Variants in UGT1A10 observed in about 807,000 individuals in gnomAD.
The protein encoded by UGT1A10 is UDP glucuronosyltransferase family 1 member A10.
Under a neutral mutation model 45.8 loss-of-function variants are expected in UGT1A10, and 49 were observed. The ratio of observed to expected loss-of-function variants is 1.07; its 90% CI spans 0.85 to 1.36. UGT1A10 has a LOEUF of 1.36. UGT1A10 is among the 40% of genes most tolerant of loss of function. UGT1A10 has a pLI of 0.00. For missense variants in UGT1A10, 745 were observed against 668.6 expected, an observed-to-expected ratio of 1.11 and a Z score of -1.26; for synonymous variants, 284 against 249.7, an observed-to-expected ratio of 1.14 and a Z score of -1.29.
At chr2:233,744,008 G>C in intron 1 of UGT1A10, 6 of 1,163,404 alleles carry the variant, frequency 5.2e-6, no homozygotes, top group Non-Finnish European at 6.7e-6. Context: ...CGGAGACCTG[G>C]GCCGCCTGGA....
intron 1 of UGT1A10, among the ~76,000 whole-genome samples, chr2:233,749,703 T>C (rs1694254740): frequency 1.3e-5 from 2 of 151,790 alleles, no homozygotes; most frequent in Non-Finnish European, 2.9e-5. Flanking sequence ...TGGGAGGTGA[T>C]TGGATCATGG....
In UGT1A10 at chr2:233,743,994, T is replaced by A. The variant is rs60469444; in HGVS notation, c.856-23040T>A. ...GCCAGCACCCAGGCGCAGGCCCGAGTGCTCGGAGACCTGGGCCGCCTGGAG... is the reference window on the plus strand; with the variant it reads ...GCCAGCACCCAGGCGCAGGCCCGAGAGCTCGGAGACCTGGGCCGCCTGGAG... On this transcript the variant is annotated intron_variant, in intron 1 of 4. Transcript: ENST00000344644. The A allele has an allele frequency of 4.3e-3, 5,381 of 1,253,154 alleles. 300 individuals are homozygous for A. The African/African-American group carries it at 0.076, about 18-fold the overall frequency. 77.6% of individuals were successfully genotyped at this position (1,253,154 alleles called of 1,614,324 possible). A position where few individuals can be genotyped will look rare whatever the true frequency, so the allele number is the denominator to read the frequency against.
At chr2:233,653,743 C>G (rs1365048268) in intron 1 of UGT1A10, among the ~76,000 whole-genome samples, 1 of 152,148 alleles carries the variant, frequency 6.6e-6, no homozygotes, top group African/African-American at 2.4e-5. Flanking sequence ...ATTACAGATG[C>G]CCACCACCAC....
At chr2:233,703,078 G>C (rs937204099) in intron 1 of UGT1A10, among the ~76,000 whole-genome samples, 2 of 152,100 alleles carry the variant, frequency 1.3e-5, no homozygotes, top group African/African-American at 4.8e-5. Flanking sequence ...TCTGGGCCTA[G>C]GCTTTTCTTG....
chr2:233,730,948 C>T (rs2078091104), intron 1 of UGT1A10, among the ~76,000 whole-genome samples: 2 of 152,126 alleles, frequency 1.3e-5, no homozygotes, highest in African/African-American at 4.8e-5. Flanking sequence ...ATTTGGGTTT[C>T]GTTGAAATGG....
At chr2:233,653,368 G>A (rs1218575877) in intron 1 of UGT1A10, among the ~76,000 whole-genome samples, 1 of 152,150 alleles carries the variant, frequency 6.6e-6, no homozygotes, top group East Asian at 1.9e-4. Context: ...TCATATAGGT[G>A]TATCAATTGT....
intron 1 of UGT1A10, chr2:233,743,003 T>C (rs1559386473): frequency 4.2e-6 from 1 of 238,432 alleles, no homozygotes; most frequent in Non-Finnish European, 8.3e-6. Context: ...TGCATACAGA[T>C]ATTTTACAAC....
At chr2:233,741,745 T>C (rs1691762813) in intron 1 of UGT1A10, 2 of 151,906 alleles carry the variant, frequency 1.3e-5, no homozygotes, top group African/African-American at 4.9e-5. Context: ...TCACACTCTT[T>C]GTTGGTTAAT....
Position 233,754,880 on chromosome 2 carries a change from C to T in UGT1A10, c.856-12154C>T, listed in dbSNP as rs764187223. Reference sequence around the variant, plus strand: ...GTGCAGACCCTCTGCTTCTGCTTCCCAGGGAGTTCCTCTGACCCCCCAAAA... The same window carrying T: ...GTGCAGACCCTCTGCTTCTGCTTCCTAGGGAGTTCCTCTGACCCCCCAAAA... On this transcript the variant is annotated intron_variant, in intron 1 of 4. Transcript: ENST00000344644. 3.0e-6 allele frequency: 4 copies of T among 1,352,340 alleles called. No homozygotes were observed. The South Asian group carries it at 4.6e-5, about 15-fold the overall frequency. The allele number at this position is 1,352,340 out of a possible 1,614,324, so 83.8% of individuals were successfully genotyped here.
intron 1 of UGT1A10, chr2:233,719,806 T>C: frequency 1.9e-6 from 3 of 1,595,234 alleles, no homozygotes; most frequent in Non-Finnish European, 2.6e-6. Context: ...TTTGGCTTCT[T>C]TATAACAGAT....
intron 1 of UGT1A10, among the ~76,000 whole-genome samples, chr2:233,669,204 G>A (rs1352081315): frequency 6.6e-6 from 1 of 152,002 alleles, no homozygotes; most frequent in African/African-American, 2.4e-5. Flanking sequence ...TGAAATATTT[G>A]ATTACTATAG....
chr2:233,650,075 A>C (rs1369860986), intron 1 of UGT1A10, among the ~76,000 whole-genome samples: 1 of 152,124 alleles, frequency 6.6e-6, no homozygotes, highest in Non-Finnish European at 1.5e-5. Flanking sequence ...GGTTCAAGCG[A>C]TTCACCTGCC....
At chr2:233,738,852 A>G (rs1448497943) in intron 1 of UGT1A10, 2 of 152,248 alleles carry the variant, frequency 1.3e-5, no homozygotes, top group Admixed American at 1.3e-4. Flanking sequence ...AATCACCAAG[A>G]CAATGGGGAA....
At chr2:233,724,685 G>T (rs1329497832) in intron 1 of UGT1A10, among the ~76,000 whole-genome samples, 6 of 144,884 alleles carry the variant, frequency 4.1e-5, no homozygotes, top group African/African-American at 1.6e-4. Context: ...TGGGATGGCG[G>T]CCGGGTGAAG....
At chr2:233,720,819 C>T (rs2076894500) in intron 1 of UGT1A10, among the ~76,000 whole-genome samples, 2 of 151,784 alleles carry the variant, frequency 1.3e-5, no homozygotes, top group African/African-American at 4.8e-5. Flanking sequence ...AATTCTCCCA[C>T]CTCAGTCTCC....
intron 1 of UGT1A10, among the ~76,000 whole-genome samples, chr2:233,734,862 C>T (rs1280168224): frequency 6.6e-6 from 1 of 152,224 alleles, no homozygotes; most frequent in Admixed American, 6.5e-5. Flanking sequence ...AATTTGACTG[C>T]ACTATGGTCT....
intron 1 of UGT1A10, chr2:233,647,934 G>A: frequency 5.0e-6 from 8 of 1,604,694 alleles, no homozygotes; most frequent in Non-Finnish European, 6.8e-6. Flanking sequence ...CACTGCCCAT[G>A]GATGGGAGCC....
chr2:233,694,895 A>G (rs2075247142), intron 1 of UGT1A10, among the ~76,000 whole-genome samples: 1 of 152,246 alleles, frequency 6.6e-6, no homozygotes, highest in Non-Finnish European at 1.5e-5. Flanking sequence ...TTCATGTGAT[A>G]TTTTGATACA....
rs763801356 is a variant in UGT1A10, at chr2:233,636,657, G to T, written c.135G>T (p.Val45=). The change falls in exon 1 of 5, where the codon GTG becomes GTT. Residue 45 remains valine (V), a synonymous_variant. Transcript: ENST00000344644. ...ACTGGTTCACCATGCAGTCGGTGGT[G>T]GAGAAACTTATCCTCAGGGGGCATG... ...GSHWFTMQSV[V]EKLILRGHEV... The T allele has an allele frequency of 1.2e-6, 2 of 1,614,118 alleles. No individual in the cohort carries two copies. Among genetic ancestry groups the T allele is most frequent in the Admixed American group, 1.7e-5 (1 of 60,016 alleles).
Sources: allele counts gnomAD v4.1 joint callset (sites outside exome capture counted in the v4.1 genomes callset), GRCh38; gene constraint gnomAD v4.1.1; transcripts MANE v1.5; gene names NCBI Gene and HGNC (gene_info 2026-07-23, HGNC 2026-07-21).